The following PLAAT5 variants were observed in gnomAD, a reference collection of about 807,000 sequenced individuals.
The protein encoded by PLAAT5 is Ca(2+)-independent N-acyltransferase.
A neutral mutation model predicts 27.8 loss-of-function variants in PLAAT5; 27 were observed. That is an observed-to-expected ratio of 0.97 (90% confidence interval 0.72 to 1.34). PLAAT5 has a LOEUF of 1.34. Ranked by LOEUF, PLAAT5 falls within the 40% of genes most tolerant of loss-of-function variation. The probability of loss-of-function intolerance (pLI) is 0.00; values close to 1 mark genes in which losing one functional copy is unlikely to be tolerated. For missense variants in PLAAT5, 368 were observed against 343.8 expected, an observed-to-expected ratio of 1.07 and a Z score of -0.56; for synonymous variants, 125 against 136.1, an observed-to-expected ratio of 0.92 and a Z score of 0.57.
chr11:63,488,978 TA>T lies in PLAAT5; in HGVS notation c.240-3del. ...TCCAAGCTAACTACAGCCTTCTCCC[TA>T]AATGATTTTGCAATCACAAAGTTAA... On this transcript the variant is annotated splice_polypyrimidine_tract_variant and splice_region_variant and intron_variant, in intron 2 of 5. Transcript: ENST00000540857. 1 of 1,597,106 alleles carries T rather than the reference TA, an allele frequency of 6.3e-7. No homozygotes were observed. The highest frequency in any genetic ancestry group is 1.4e-5 in the African/African-American group (1 of 74,016).
Position 63,466,120 on chromosome 11 carries a change from C to T in PLAAT5, c.707G>A (p.Arg236Gln), listed in dbSNP as rs144730159. The T allele has an allele frequency of 1.4e-5, 23 of 1,613,674 alleles. No homozygotes were observed. Among genetic ancestry groups the T allele is most frequent in the Middle Eastern group, 3.4e-4 (2 of 5,960 alleles). Reference protein sequence around the residue: ...FVNGLRYGVPRSQQVEHALME... With the variant: ...FVNGLRYGVPQSQQVEHALME... ...CAAATGGGGTCACACCTGCTGGCTC[C>T]GGGGTACGCCATATCTGAGGCCATT... is the stretch of plus-strand genomic sequence containing the variant. Residue 236 changes from arginine to glutamine, a missense_variant, in exon 5 of 6, where the codon CGG (arginine) becomes CAG (glutamine). Transcript: ENST00000540857.
At chr11:63,483,784 A>AATATAT (rs56345803) in intron 3 of PLAAT5, among the ~76,000 whole-genome samples, 11 of 65,672 alleles carry the variant, frequency 1.7e-4, no homozygotes, top group African/African-American at 2.9e-4. Flanking sequence ...GCAAAAAAAA[A>AATATAT]ATATATATAT....
intron 3 of PLAAT5, among the ~76,000 whole-genome samples, chr11:63,488,066 G>A (rs961195831): frequency 1.1e-4 from 16 of 152,258 alleles, no homozygotes; most frequent in African/African-American, 3.9e-4. Context: ...AATGGCGTGA[G>A]CCCAAGAGGC....
chr11:63,464,223 T>G (rs1455338138), intron 5 of PLAAT5, among the ~76,000 whole-genome samples: 2 of 152,078 alleles, frequency 1.3e-5, no homozygotes, highest in East Asian at 3.9e-4. Context: ...AGGCTGCCAA[T>G]GGTCACTGAG....
intron 4 of PLAAT5, among the ~76,000 whole-genome samples, chr11:63,467,988 G>T (rs562881543): frequency 6.6e-6 from 1 of 152,212 alleles, no homozygotes; most frequent in Non-Finnish European, 1.5e-5. Flanking sequence ...AACAAATGAC[G>T]ATCAGAACAT....
Position 63,463,556 on chromosome 11 carries a change from C to G in PLAAT5, c.757G>C (p.Ala253Pro). The G allele has an allele frequency of 6.2e-7, 1 of 1,613,904 alleles. No homozygotes were observed. ...ALMEGAKAAG[A>P]VISAVVDSIK... ...CTATCCACTACAGCTGAAATAACTG[C>G]TCCAGCAGCCTTCGCTCCTTCCATC... The change falls in exon 6 of 6, where the codon GCA becomes CCA. Residue 253 changes from alanine to proline, a missense_variant. By Grantham distance (27) the Ala-to-Pro change is conservative. Transcript: ENST00000540857.
rs1682905545 is a variant in PLAAT5 at position 63,469,635 on chromosome 11, A to G, written c.346-1170T>C. The stretch of plus-strand genomic sequence containing the variant: ...GAGTGCAAAGTGCACAAAGGAGGTC[A>G]TAATGGACTTAATTAATGTCATTAA... On this transcript the variant is annotated intron_variant, in intron 3 of 5. Transcript: ENST00000540857. 5 of 209,594 alleles carry G rather than the reference A, an allele frequency of 2.4e-5. No individual in the cohort carries two copies. In the South Asian group the frequency reaches 5.2e-4, roughly 22 times the overall value. 13.0% of individuals were successfully genotyped at this position (209,594 alleles called of 1,614,324 possible).
chr11:63,487,093 G>T (rs887858312), intron 3 of PLAAT5, among the ~76,000 whole-genome samples: 1 of 151,970 alleles, frequency 6.6e-6, no homozygotes, highest in African/African-American at 2.4e-5. Flanking sequence ...TTACATTTCC[G>T]TTTTATAAAA....
chr11:63,462,422 A>T lies in PLAAT5; in HGVS notation c.*1081T>A, dbSNP rs951032473. ...CTGCAGTGTTGGGGAACAGGAGGCCATTGAGTTTAGATTGCTAAGAAAAGG... is the reference window on the plus strand; with the variant it reads ...CTGCAGTGTTGGGGAACAGGAGGCCTTTGAGTTTAGATTGCTAAGAAAAGG... On this transcript the variant is annotated 3_prime_UTR_variant, in exon 6 of 6. Coordinates refer to ENST00000540857, the MANE Select transcript of PLAAT5 (RefSeq NM_001146729.2). 1.3e-5 allele frequency: 2 copies of T among 152,346 alleles called. No individual in the cohort carries two copies. The highest frequency in any genetic ancestry group is 3.4e-3 in the Middle Eastern group (1 of 294). 9.4% of individuals were successfully genotyped at this position (152,346 alleles called of 1,614,324 possible). A position where few individuals can be genotyped will look rare whatever the true frequency, so the allele number is the denominator to read the frequency against.
At chr11:63,481,914 G>C (rs943436349) in intron 3 of PLAAT5, among the ~76,000 whole-genome samples, 4 of 152,174 alleles carry the variant, frequency 2.6e-5, no homozygotes, top group Non-Finnish European at 5.9e-5. Flanking sequence ...TGTGGGGTAG[G>C]GGGAGCGGGG....
chr11:63,469,091 C>A (rs909031869), intron 3 of PLAAT5, among the ~76,000 whole-genome samples: 2 of 143,788 alleles, frequency 1.4e-5, no homozygotes, highest in Admixed American at 6.9e-5. Flanking sequence ...CAAATGCAAA[C>A]TTCTCTATTA....
chr11:63,468,822 C>T (rs1010568264), intron 3 of PLAAT5, among the ~76,000 whole-genome samples: 1 of 152,160 alleles, frequency 6.6e-6, no homozygotes, highest in Non-Finnish European at 1.5e-5. Flanking sequence ...TGCTGGCTTT[C>T]TCTTGTACTG....
rs779672013 is a variant in PLAAT5 at position 63,483,824 on chromosome 11, T to A, written c.345+5047A>T. On this transcript the variant is annotated intron_variant, in intron 3 of 5. Transcript: ENST00000540857. ...ATGTATATATATATATATATATATA[T>A]ATATATATATATATATATACACATA... 9.3e-3 allele frequency among the ~76,000 whole-genome samples: 1,017 copies of A among 109,162 alleles called. 34 individuals are homozygous for A. The highest frequency in any genetic ancestry group is 0.031 in the African/African-American group (938 of 29,918). The allele number at this position is 109,162 out of a possible 152,430, so 71.6% of individuals were successfully genotyped here.
chr11:63,463,301 A>G lies in PLAAT5; in HGVS notation c.*202T>C. ...GCATAAGAGATACACACTAGATACC[A>G]GATCCTTCCCATCCTGAGAGTCTGT... On this transcript the variant is annotated 3_prime_UTR_variant, in exon 6 of 6. Transcript: ENST00000540857. 1 of 602,964 alleles carries G rather than the reference A, an allele frequency of 1.7e-6. No individual in the cohort carries two copies. The highest frequency in any genetic ancestry group is 2.0e-5 in the South Asian group (1 of 50,614). 37.4% of individuals were successfully genotyped at this position (602,964 alleles called of 1,614,324 possible).
At chr11:63,470,720 C>G (rs546352810) in intron 3 of PLAAT5, 1 of 152,074 alleles carries the variant, frequency 6.6e-6, no homozygotes, top group South Asian at 2.1e-4. Flanking sequence ...TTATTGCACA[C>G]GAAAGCATTT....
chr11:63,490,399 C>T, intron 1 of PLAAT5, 66 bp from the exon 2 acceptor site: 4 of 1,611,950 alleles, frequency 2.5e-6, no homozygotes, highest in Non-Finnish European at 3.4e-6. Flanking sequence ...ACCTTGACCG[C>T]TACGGAGAGT....
chr11:63,470,420 GA>G, intron 3 of PLAAT5: 1 of 160,814 alleles, frequency 6.2e-6, no homozygotes. Context: ...ATACTGGAGA[GA>G]AACCCTATGA....
rs527723503 is a variant in PLAAT5 at position 63,490,907 on chromosome 11, C to G, written c.128G>C (p.Arg43Pro). The G allele has an allele frequency of 7.4e-5, 119 of 1,603,250 alleles. 1 individual carries two copies. The South Asian group carries it at 1.2e-3, about 16-fold the overall frequency. ...GPKDQPPALR[R>P]SAVPHSEESV... ...CTGACCTGAGTGGGGCACAGCTGAA[C>G]GTCTGAGCGCAGGCGGCTGGTCCTT... The change falls in exon 1 of 6, where the codon CGT becomes CCT. Residue 43 changes from arginine (R) to proline (P), a missense_variant. Transcript: ENST00000540857.
intron 4 of PLAAT5, 70 bp downstream of exon 4, chr11:63,468,287 G>A: frequency 8.8e-7 from 1 of 1,134,426 alleles, no homozygotes; most frequent in East Asian, 2.3e-5. Context: ...GAGGAACACA[G>A]TAATTAACTG....
Sources: gnomAD v4.1 joint callset for allele counts (sites outside exome capture counted in the v4.1 genomes callset) on GRCh38, gnomAD v4.1.1 for gene constraint, MANE v1.5 for transcripts, NCBI Gene and HGNC (gene_info 2026-07-23, HGNC 2026-07-21) for gene names.